CASK: variants seen among roughly 807,000 people sequenced by gnomAD.
CASK encodes the protein peripheral plasma membrane protein CASK.
Under a neutral mutation model 82.9 loss-of-function variants are expected in CASK, and 4 were observed. The observed-to-expected ratio is 0.05, with a 90% confidence interval of 0.02 to 0.11. The LOEUF (loss-of-function observed/expected upper bound fraction) is 0.11. CASK is among the 10% of genes least tolerant of loss of function. The pLI, the probability that CASK is intolerant of heterozygous loss-of-function variation, is 1.00. For missense variants in CASK, 358 were observed against 720.9 expected, an observed-to-expected ratio of 0.50 and a Z score of 5.76; for synonymous variants, 259 against 253.5, an observed-to-expected ratio of 1.02 and a Z score of -0.20.
intron 22 of CASK, among the ~76,000 whole-genome samples, chrX:41,538,950 G>A (rs1224677527): frequency 9.0e-6 from 1 of 111,576 alleles, no homozygotes; most frequent in African/African-American, 3.3e-5. Context: ...GCTGGAGAAT[G>A]AGCGTCCATT....
chrX:41,846,341 A>G (rs1482332695), intron 2 of CASK, among the ~76,000 whole-genome samples: 6 of 103,749 alleles, frequency 5.8e-5, no homozygotes, highest in African/African-American at 2.1e-4. Context: ...CAAACATTGC[A>G]TGTTTTAACT....
At chrX:41,845,127 T>C (rs1172835242) in intron 2 of CASK, among the ~76,000 whole-genome samples, 2 of 112,182 alleles carry the variant, frequency 1.8e-5, no homozygotes, top group Non-Finnish European at 3.8e-5. Context: ...ATGTTCTATG[T>C]GTACTTGAAA....
intron 3 of CASK, among the ~76,000 whole-genome samples, chrX:41,766,251 A>C (rs1299672230): frequency 8.9e-6 from 1 of 112,076 alleles, no homozygotes; most frequent in African/African-American, 3.2e-5. Context: ...AGTGCAAAGA[A>C]ATCCTAATCT....
chrX:41,620,795 C>T (rs2066277097), intron 11 of CASK, among the ~76,000 whole-genome samples: 1 of 112,148 alleles, frequency 8.9e-6, no homozygotes, highest in Non-Finnish European at 1.9e-5. Context: ...ATATCCAACT[C>T]AAGTTATGAG....
intron 3 of CASK, among the ~76,000 whole-genome samples, chrX:41,785,192 A>G (rs1242654043): frequency 4.6e-5 from 5 of 109,504 alleles, no homozygotes; most frequent in Non-Finnish European, 9.5e-5. Context: ...TTTTTTGTAG[A>G]GACAGGGTTT....
chrX:41,916,585 C>CA (rs1486583710), intron 1 of CASK, among the ~76,000 whole-genome samples: 1 of 112,564 alleles, frequency 8.9e-6, no homozygotes, highest in East Asian at 2.8e-4. Context: ...ATAGTTAACT[C>CA]AGTCTCTTGA....
chrX:41,555,912 G>A (rs1227286676), intron 19 of CASK: 3 of 214,331 alleles, frequency 1.4e-5, no homozygotes, highest in Non-Finnish European at 2.3e-5. Flanking sequence ...GCCACTGCAA[G>A]TGAAACAGCC....
intron 2 of CASK, among the ~76,000 whole-genome samples, chrX:41,820,162 A>G (rs2070502676): frequency 9.0e-6 from 1 of 110,924 alleles, no homozygotes; most frequent in African/African-American, 3.3e-5. Context: ...TATGAGATCA[A>G]TATAAGATCA....
At chrX:41,666,326 G>A (rs1449215651) in intron 6 of CASK, among the ~76,000 whole-genome samples, 1 of 111,796 alleles carries the variant, frequency 8.9e-6, no homozygotes, top group Non-Finnish European at 1.9e-5. Flanking sequence ...GTCTTCTATT[G>A]TGGAATGAAA....
intron 8 of CASK, among the ~76,000 whole-genome samples, chrX:41,655,292 C>G (rs925584288): frequency 7.2e-5 from 8 of 111,083 alleles, no homozygotes; most frequent in Admixed American, 5.8e-4. Context: ...AATTCTCCAT[C>G]TGCTCGCCCT....
chrX:41,636,086 G>T lies in CASK; in HGVS notation c.915+492C>A, dbSNP rs908332808. On this transcript the variant is annotated intron_variant, in intron 9 of 26. Transcript: ENST00000378163. Reference sequence around the variant, plus strand: ...TAATTTTTGTATTTTTAGTAGAGACGGGGTTTCACCATGTTAGCCAGGCTG... The same window carrying T: ...TAATTTTTGTATTTTTAGTAGAGACTGGGTTTCACCATGTTAGCCAGGCTG... Among the ~76,000 whole-genome samples, 7 of 107,652 alleles carry T rather than the reference G, an allele frequency of 6.5e-5. No individual in the cohort carries two copies. The Admixed American group carries it at 7.1e-4, about 11-fold the overall frequency. 93.5% of individuals were successfully genotyped at this position (107,652 alleles called of 115,157 possible). A position where few individuals can be genotyped will look rare whatever the true frequency, so the allele number is the denominator to read the frequency against.
intron 1 of CASK, among the ~76,000 whole-genome samples, chrX:41,883,930 C>G (rs1417978415): frequency 8.9e-6 from 1 of 111,999 alleles, no homozygotes; most frequent in Non-Finnish European, 1.9e-5. Flanking sequence ...ATTTCAGTAA[C>G]CATACCTGCC....
chrX:41,918,082 C>A (rs1490648645), intron 1 of CASK, among the ~76,000 whole-genome samples: 2 of 112,094 alleles, frequency 1.8e-5, no homozygotes, highest in African/African-American at 3.2e-5. Context: ...CTGGAAAATT[C>A]TCGGTTCCTT....
At chrX:41,611,836 T>C (rs986841512) in intron 11 of CASK, among the ~76,000 whole-genome samples, 4 of 110,830 alleles carry the variant, frequency 3.6e-5, no homozygotes, top group African/African-American at 6.5e-5. Flanking sequence ...GTGCCTGCGA[T>C]TGCAGGCGCG....
intron 22 of CASK, among the ~76,000 whole-genome samples, chrX:41,535,926 A>C (rs2064868016): frequency 1.8e-5 from 2 of 111,836 alleles, no homozygotes; most frequent in African/African-American, 6.5e-5. Flanking sequence ...AATTCTCACA[A>C]AGGGCTAAAA....
intron 2 of CASK, among the ~76,000 whole-genome samples, chrX:41,808,688 C>T (rs190427073): frequency 7.9e-4 from 89 of 112,074 alleles, no homozygotes; most frequent in African/African-American, 2.7e-3. Context: ...ACTGAGGTAC[C>T]GGGTTCATCT....
intron 22 of CASK, among the ~76,000 whole-genome samples, chrX:41,536,258 G>A (rs2064872467): frequency 9.0e-6 from 1 of 110,616 alleles, no homozygotes; most frequent in African/African-American, 3.3e-5. Context: ...ACAGGCACCT[G>A]CCATTACGCC....
intron 2 of CASK, among the ~76,000 whole-genome samples, chrX:41,804,910 T>C (rs942480720): frequency 3.6e-5 from 4 of 111,954 alleles, no homozygotes; most frequent in African/African-American, 1.3e-4. Context: ...CATTACCTAA[T>C]GGTGGTAATA....
intron 21 of CASK, among the ~76,000 whole-genome samples, chrX:41,550,170 A>G (rs760128322): frequency 1.8e-5 from 2 of 112,136 alleles, no homozygotes; most frequent in South Asian, 3.8e-4. Flanking sequence ...CCAAAAAAAG[A>G]AAAACATATT....
Sources: gnomAD v4.1 joint callset for allele counts (sites outside exome capture counted in the v4.1 genomes callset) on GRCh38, gnomAD v4.1.1 for gene constraint, MANE v1.5 for transcripts, NCBI Gene and HGNC (gene_info 2026-07-23, HGNC 2026-07-21) for gene names.